ZNF385D: variants seen among roughly 807,000 people sequenced by gnomAD.
ZNF385D encodes zinc finger protein 659.
A neutral mutation model predicts 35.8 loss-of-function variants in ZNF385D; 15 were observed. The observed-to-expected ratio is 0.42, with a 90% CI of 0.28 to 0.64. The LOEUF is 0.64. Ranked by LOEUF, ZNF385D falls within the 30% of genes least tolerant of loss-of-function variation. The pLI, the probability that ZNF385D is intolerant of heterozygous loss-of-function variation, is 0.23. For missense variants in ZNF385D, 474 were observed against 494.6 expected (o/e 0.96, Z 0.39); for synonymous variants, 212 against 186.8 (o/e 1.13, Z -1.10).
At chr3:22,142,964 G>A (rs949980821) in intron 3 of ZNF385D, among the ~76,000 whole-genome samples, 7 of 151,720 alleles carry the variant, frequency 4.6e-5, no homozygotes, top group African/African-American at 7.3e-5. Context: ...TTCACTGCCC[G>A]TAAGTTTGAA....
At chr3:22,120,413 G>C (rs529931205) in intron 3 of ZNF385D, among the ~76,000 whole-genome samples, 1 of 152,074 alleles carries the variant, frequency 6.6e-6, no homozygotes, top group South Asian at 2.1e-4. Context: ...GTTGGATTAA[G>C]GACTATACCC....
intron 3 of ZNF385D, among the ~76,000 whole-genome samples, chr3:21,995,944 G>T (rs1013537906): frequency 6.6e-6 from 1 of 152,068 alleles, no homozygotes; most frequent in East Asian, 1.9e-4. Context: ...TACTGTGTGG[G>T]CTAGAGTGCT....
chr3:21,456,594 G>C (rs993241522), intron 4 of ZNF385D, among the ~76,000 whole-genome samples: 4 of 152,070 alleles, frequency 2.6e-5, no homozygotes, highest in African/African-American at 9.7e-5. Context: ...TGTGGGGTGG[G>C]GGGAGTAAGG....
rs1021203141 is a variant in ZNF385D at position 21,413,596 on chromosome 3, A to G, written c.*7618T>C. 1.1e-4 allele frequency: 16 copies of G among 143,220 alleles called. No individual in the cohort carries two copies. Among genetic ancestry groups the G allele is most frequent in the African/African-American group, 3.9e-4 (16 of 40,640 alleles). The allele number at this position is 143,220 out of a possible 1,614,324, so 8.9% of individuals were successfully genotyped here. A position where few individuals can be genotyped will look rare whatever the true frequency, so the allele number is the denominator to read the frequency against. On this transcript the variant is annotated 3_prime_UTR_variant, in exon 8 of 8. Coordinates refer to ENST00000281523, the MANE Select transcript of ZNF385D (RefSeq NM_024697.3). Reference sequence around the variant, plus strand: ...AAACCTTATATGATCCTTTGCCAAGAGATTGATATTAGATAAAACCCTGGT... The same window carrying G: ...AAACCTTATATGATCCTTTGCCAAGGGATTGATATTAGATAAAACCCTGGT...
intron 3 of ZNF385D, among the ~76,000 whole-genome samples, chr3:22,110,751 C>T (rs567000625): frequency 6.6e-6 from 1 of 151,128 alleles, no homozygotes; most frequent in South Asian, 2.1e-4. Flanking sequence ...AACTAACCTG[C>T]CCGTTGTGAA....
intron 3 of ZNF385D, among the ~76,000 whole-genome samples, chr3:22,135,459 C>T (rs527787308): frequency 1.3e-5 from 2 of 152,234 alleles, no homozygotes; most frequent in East Asian, 3.9e-4. Context: ...ACACTCCAGG[C>T]ACTGTATGTT....
At chr3:22,003,879 AAAAG>A (rs1331366256) in intron 3 of ZNF385D, among the ~76,000 whole-genome samples, 2 of 151,810 alleles carry the variant, frequency 1.3e-5, no homozygotes, top group Non-Finnish European at 2.9e-5. Flanking sequence ...CACCAAAAAA[AAAAG>A]AAAGAAAAAA....
intron 2 of ZNF385D, among the ~76,000 whole-genome samples, chr3:21,615,164 T>C (rs2064809121): frequency 6.6e-6 from 1 of 152,170 alleles, no homozygotes; most frequent in Non-Finnish European, 1.5e-5. Context: ...GCTTCATGAA[T>C]GACATGGTGC....
rs760480902 is a variant in ZNF385D at position 21,421,358 on chromosome 3, T to TGCTGATGCG, written c.1043_1044insCGCATCAGC (p.Ala348_Val349insAlaSerAla). The TGCTGATGCG allele has an allele frequency of 3.6e-5, 58 of 1,613,472 alleles. No individual in the cohort carries two copies. Among genetic ancestry groups the TGCTGATGCG allele is most frequent in the Non-Finnish European group, 4.9e-5 (58 of 1,179,654 alleles). ...GACTGAAGGGGGAACTCACTGCCAC[T>TGCTGATGCG]GCTGCTGCGGCTGCTGCAGCTGCTA... On this transcript the variant is annotated inframe_insertion, in exon 8 of 8. Transcript: ENST00000281523.
At chr3:21,867,813 G>C (rs1697455218) in intron 3 of ZNF385D, among the ~76,000 whole-genome samples, 1 of 151,448 alleles carries the variant, frequency 6.6e-6, no homozygotes, top group Non-Finnish European at 1.5e-5. Context: ...GTCCAACAAA[G>C]CATTCTAAGA....
intron 2 of ZNF385D, among the ~76,000 whole-genome samples, chr3:22,192,972 G>C (rs572931573): frequency 6.6e-6 from 1 of 152,008 alleles, no homozygotes; most frequent in Non-Finnish European, 1.5e-5. Context: ...TTTTGACAAA[G>C]GTCTATTTAA....
intron 2 of ZNF385D, among the ~76,000 whole-genome samples, chr3:22,229,267 C>G (rs936291342): frequency 1.3e-5 from 2 of 152,166 alleles, no homozygotes; most frequent in African/African-American, 2.4e-5. Context: ...TCTGTTAACT[C>G]TCTTTGGAAA....
chr3:21,899,355 T>A (rs1699290593), intron 3 of ZNF385D, among the ~76,000 whole-genome samples: 2 of 152,104 alleles, frequency 1.3e-5, no homozygotes. Flanking sequence ...AAGCAATAGT[T>A]TCTCCCACCG....
intron 3 of ZNF385D, among the ~76,000 whole-genome samples, chr3:21,951,620 C>A (rs1702070889): frequency 1.3e-5 from 2 of 151,582 alleles, no homozygotes; most frequent in Admixed American, 1.3e-4. Context: ...AATTAGGGTT[C>A]TTCCACTGTC....
At chr3:22,098,294 T>C (rs550615685) in intron 3 of ZNF385D, among the ~76,000 whole-genome samples, 2 of 152,166 alleles carry the variant, frequency 1.3e-5, no homozygotes, top group East Asian at 1.9e-4. Context: ...TTTATTGCTC[T>C]GGGAAGAATC....
At chr3:21,497,117 T>C (rs894049494) in intron 4 of ZNF385D, among the ~76,000 whole-genome samples, 18 of 152,214 alleles carry the variant, frequency 1.2e-4, no homozygotes, top group African/African-American at 4.1e-4. Flanking sequence ...ACTATCCCTA[T>C]TTGCAGATGA....
At position 22,128,048 on chromosome 3, in the gene ZNF385D, C is replaced by G. The variant is rs553702931; in HGVS notation, c.325+40769G>C. ...TTTTAGATTGAAAAACTCTCTTTAG[C>G]CATTCTTGTAGGTTATGTACAGTGT... is the stretch of plus-strand genomic sequence containing the variant. On this transcript the variant is annotated intron_variant, in intron 3 of 5. Coordinates refer to the ZNF385D transcript ENST00000494108. 2.6e-5 allele frequency among the ~76,000 whole-genome samples: 4 copies of G among 152,318 alleles called. No individual in the cohort carries two copies. The South Asian group carries it at 8.3e-4, about 32-fold the overall frequency.
intron 3 of ZNF385D, among the ~76,000 whole-genome samples, chr3:22,162,819 T>C (rs975536122): frequency 1.3e-5 from 2 of 152,202 alleles, no homozygotes; most frequent in African/African-American, 2.4e-5. Context: ...GAATCAGAGA[T>C]GAACCTTCAG....
intron 3 of ZNF385D, among the ~76,000 whole-genome samples, chr3:21,799,495 C>A (rs1197710504): frequency 6.6e-6 from 1 of 152,100 alleles, no homozygotes; most frequent in Non-Finnish European, 1.5e-5. Flanking sequence ...TTTGTATTTA[C>A]CTAAAAACTA....
Sources: gnomAD v4.1 joint callset for allele counts (sites outside exome capture counted in the v4.1 genomes callset) on GRCh38, gnomAD v4.1.1 for gene constraint, MANE v1.5 for transcripts, NCBI Gene and HGNC (gene_info 2026-07-23, HGNC 2026-07-21) for gene names.